BOD1: variants seen among roughly 807,000 people sequenced by gnomAD.
BOD1 encodes the protein biorientation of chromosomes in cell division protein 1.
BOD1 carries 11 observed loss-of-function variants against 15.7 expected under a neutral mutation model. The ratio of observed to expected loss-of-function variants is 0.70; its 90% CI spans 0.44 to 1.16. The LOEUF (loss-of-function observed/expected upper bound fraction) is 1.16. Ranked by LOEUF, BOD1 falls within the 50% of genes most tolerant of loss-of-function variation. The pLI is 0.00. For synonymous variants in BOD1, 105 were observed against 103.5 expected, an observed-to-expected ratio of 1.01 and a Z score of -0.09; for missense variants, 182 against 244.5, an observed-to-expected ratio of 0.74 and a Z score of 1.70.
chr5:173,610,626 A>C (rs1755324002), intron 2 of BOD1, among the ~76,000 whole-genome samples: 1 of 152,232 alleles, frequency 6.6e-6, no homozygotes, highest in Non-Finnish European at 1.5e-5. Flanking sequence ...GATGCTAACA[A>C]AGGAAAGCCA....
intron 2 of BOD1, among the ~76,000 whole-genome samples, chr5:173,612,419 C>G (rs769927102): frequency 2.6e-5 from 4 of 152,202 alleles, no homozygotes; most frequent in Admixed American, 6.5e-5. Flanking sequence ...CTTTACCATA[C>G]GAGCTGTTGC....
In BOD1 at chr5:173,616,296, G is replaced by T. The variant is rs1470928628; in HGVS notation, c.141C>A (p.Gly47=). The T allele has an allele frequency of 6.5e-7, 1 of 1,545,560 alleles. No individual in the cohort carries two copies. The highest frequency in any genetic ancestry group is 1.4e-5 in the African/African-American group (1 of 72,724). ...CGATGAGAGCGATGAGCTGCGGGTC[G>T]CCGGGAGGCAGCGAGGCCGGGTTGA... ...GPINPASLPP[G]DPQLIALIVE... Residue 47 remains glycine, a synonymous_variant, in exon 1 of 4, where the codon GGC becomes GGA. Transcript: ENST00000311086.
chr5:173,614,174 G>A (rs970664478), intron 1 of BOD1, among the ~76,000 whole-genome samples: 2 of 152,182 alleles, frequency 1.3e-5, no homozygotes, highest in Non-Finnish European at 2.9e-5. Context: ...GAGTTTGTTC[G>A]TTCAATCCTT....
In BOD1 at chr5:173,613,228, C is replaced by CT; in HGVS notation, c.264dup (p.Val89SerfsTer3). 6.5e-7 allele frequency: 1 copy of CT among 1,528,794 alleles called. No individual in the cohort carries two copies. The highest frequency in any genetic ancestry group is 8.8e-7 in the Non-Finnish European group (1 of 1,132,366). 94.7% of individuals were successfully genotyped at this position (1,528,794 alleles called of 1,614,324 possible). A position where few individuals can be genotyped will look rare whatever the true frequency, so the allele number is the denominator to read the frequency against. On this transcript the variant is annotated frameshift_variant, in exon 2 of 4. Transcript: ENST00000311086. LOFTEE classifies it high-confidence loss of function. ...AGATGTGTTGACACAAAATTATCCA[C>CT]TTTCTGCCTCAGGTTTTGGTAAGCT... is the stretch of plus-strand genomic sequence containing the variant.
At chr5:173,613,567 C>T (rs775730927) in intron 1 of BOD1, among the ~76,000 whole-genome samples, 2 of 152,226 alleles carry the variant, frequency 1.3e-5, no homozygotes, top group Non-Finnish European at 2.9e-5. Context: ...AGCCAAGCCA[C>T]CAGCTGAAGC....
intron 1 of BOD1, among the ~76,000 whole-genome samples, chr5:173,614,033 A>G (rs564709189): frequency 6.6e-6 from 1 of 152,250 alleles, no homozygotes; most frequent in African/African-American, 2.4e-5. Flanking sequence ...TGTAAAATGT[A>G]ATCAAGAGAT....
chr5:173,616,609 C>A lies in BOD1; in HGVS notation c.-173G>T, dbSNP rs1054773951. On this transcript the variant is annotated 5_prime_UTR_variant, in exon 1 of 4. Coordinates refer to ENST00000311086, the MANE Select transcript of BOD1 (RefSeq NM_138369.3). ...TGGTGGGGGCGGCGGCGGCGAAGGC[C>A]CCCTCTGATACAGCAGAGGTTGTGG... 3.1e-5 allele frequency: 42 copies of A among 1,347,720 alleles called. No homozygotes were observed. The highest frequency in any genetic ancestry group is 3.6e-5 in the Non-Finnish European group (38 of 1,058,020). The allele number at this position is 1,347,720 out of a possible 1,614,324, so 83.5% of individuals were successfully genotyped here.
intron 2 of BOD1, among the ~76,000 whole-genome samples, chr5:173,611,595 T>C (rs420964): frequency 0.48 from 73,339 of 151,492 alleles, 19,210 homozygotes; most frequent in East Asian, 0.8. Context: ...AAATGATTAG[T>C]ATAAAAGTCA....
At position 173,608,177 on chromosome 5, in the gene BOD1, T is replaced by G; in HGVS notation, c.*117A>C. On this transcript the variant is annotated 3_prime_UTR_variant, in exon 4 of 4. Coordinates refer to ENST00000311086, the MANE Select transcript of BOD1 (RefSeq NM_138369.3). ...ATCTGGTCACTGCCCATGGTCAAGGTTGAAATCTTGAGATCAGTGACGACC... is the reference window on the plus strand; with the variant it reads ...ATCTGGTCACTGCCCATGGTCAAGGGTGAAATCTTGAGATCAGTGACGACC... 7.8e-7 allele frequency: 1 copy of G among 1,286,622 alleles called. No homozygotes were observed. Among genetic ancestry groups the G allele is most frequent in the Non-Finnish European group, 1.1e-6 (1 of 884,410 alleles). The allele number at this position is 1,286,622 out of a possible 1,614,324, so 79.7% of individuals were successfully genotyped here. A position where few individuals can be genotyped will look rare whatever the true frequency, so the allele number is the denominator to read the frequency against.
Position 173,616,277 on chromosome 5 carries a change from G to A in BOD1, c.160C>T (p.Leu54Phe). ...CGGCTCTTGAGCTGCTCCACGATGA[G>A]AGCGATGAGCTGCGGGTCGCCGGGA... The part of the protein sequence containing the change: ...LPPGDPQLIA[L>F]IVEQLKSRGL... Residue 54 changes from leucine (L) to phenylalanine (F), a missense_variant, in exon 1 of 4, where the codon CTC becomes TTC. By Grantham distance (22) the Leu-to-Phe change is conservative. Coordinates refer to ENST00000311086, the MANE Select transcript of BOD1 (RefSeq NM_138369.3). 1 of 1,556,210 alleles carries A rather than the reference G, an allele frequency of 6.4e-7. No homozygotes were observed. The highest frequency in any genetic ancestry group is 8.7e-7 in the Non-Finnish European group (1 of 1,152,454).
intron 3 of BOD1, among the ~76,000 whole-genome samples, chr5:173,608,680 T>G (rs532128987): frequency 2.1e-4 from 32 of 152,386 alleles, no homozygotes; most frequent in African/African-American, 7.0e-4. Context: ...AAAAGCATTC[T>G]TTTGTACATC....
chr5:173,609,213 C>G (rs1414281120), intron 3 of BOD1, 25 bp downstream of exon 3: 1 of 1,391,256 alleles, frequency 7.2e-7, no homozygotes, highest in South Asian at 1.2e-5. Flanking sequence ...ATGCATACTC[C>G]TGGACAGAAG....
intron 1 of BOD1, among the ~76,000 whole-genome samples, chr5:173,615,819 C>T (rs1755480194): frequency 6.6e-6 from 1 of 152,108 alleles, no homozygotes; most frequent in African/African-American, 2.4e-5. Flanking sequence ...GTGTTTAATG[C>T]CAGCTTCTCA....
At chr5:173,610,183 C>T (rs1258713274) in intron 2 of BOD1, among the ~76,000 whole-genome samples, 1 of 152,170 alleles carries the variant, frequency 6.6e-6, no homozygotes, top group African/African-American at 2.4e-5. Context: ...TGGAAAATAG[C>T]CCGTAAGGTT....
chr5:173,607,165 C>T lies in BOD1; in HGVS notation c.*1129G>A, dbSNP rs779460836. 6.6e-6 allele frequency among the ~76,000 whole-genome samples: 1 copy of T among 152,216 alleles called. No homozygotes were observed. The highest frequency in any genetic ancestry group is 1.5e-5 in the Non-Finnish European group (1 of 68,042). On this transcript the variant is annotated 3_prime_UTR_variant, in exon 4 of 4. Transcript: ENST00000311086. Reference sequence around the variant, plus strand: ...TTATTATACAGAGTATGTTCAGAGGCCTGGCAGCATCAGCATCACCTGGCA... The same window carrying T: ...TTATTATACAGAGTATGTTCAGAGGTCTGGCAGCATCAGCATCACCTGGCA...
intron 1 of BOD1, among the ~76,000 whole-genome samples, chr5:173,614,245 GTCCC>G (rs959756891): frequency 1.4e-4 from 22 of 152,088 alleles, no homozygotes; most frequent in African/African-American, 5.3e-4. Context: ...GATTATTTTT[GTCCC>G]TTGTAAGCAT....
intron 2 of BOD1, chr5:173,609,754 C>T (rs912418654): frequency 1.1e-5 from 3 of 271,186 alleles, no homozygotes; most frequent in Non-Finnish European, 2.1e-5. Flanking sequence ...AAGAGTTTGA[C>T]ACGTGTGGCA....
chr5:173,608,638 G>A (rs1363452165), intron 3 of BOD1, among the ~76,000 whole-genome samples: 1 of 152,180 alleles, frequency 6.6e-6, no homozygotes, highest in Non-Finnish European at 1.5e-5. Context: ...TAACTTCATC[G>A]CTGCTCCTAC....
intron 2 of BOD1, 85 bp downstream of exon 2, chr5:173,613,046 C>G: frequency 7.3e-6 from 11 of 1,503,312 alleles, no homozygotes; most frequent in Non-Finnish European, 9.9e-6. Context: ...TCCCATCAAC[C>G]TTGACTAAAC....
Sources: allele counts gnomAD v4.1 joint callset (sites outside exome capture counted in the v4.1 genomes callset), GRCh38; gene constraint gnomAD v4.1.1; transcripts MANE v1.5; gene names NCBI Gene and HGNC (gene_info 2026-07-23, HGNC 2026-07-21).